Variants in C12orf56 observed in about 807,000 individuals in gnomAD.
The protein encoded by C12orf56 is uncharacterized protein C12orf56.
C12orf56 carries 71 observed loss-of-function variants against 69.9 expected under a neutral mutation model. The observed-to-expected ratio is 1.02, with a 90% CI of 0.84 to 1.24. The LOEUF is 1.24. C12orf56 is among the 50% of genes most tolerant of loss of function. The probability of loss-of-function intolerance (pLI) is 0.00; values close to 1 mark genes in which losing one functional copy is unlikely to be tolerated. For synonymous variants in C12orf56, 276 were observed against 274.1 expected (o/e 1.01, Z -0.07); for missense variants, 732 against 738.5 (o/e 0.99, Z 0.10).
chr12:64,338,823 C>G, intron 2 of C12orf56: 4 of 1,018,788 alleles, frequency 3.9e-6, no homozygotes, highest in South Asian at 2.6e-5. Context: ...CGGTGAGCAG[C>G]AGGCTCGAGT....
intron 2 of C12orf56, among the ~76,000 whole-genome samples, chr12:64,344,809 C>G (rs991046282): frequency 6.6e-6 from 1 of 152,138 alleles, no homozygotes; most frequent in African/African-American, 2.4e-5. Flanking sequence ...ATCCCAAACT[C>G]CCTAAGCCTT....
chr12:64,356,178 A>AC, intron 1 of C12orf56, among the ~76,000 whole-genome samples: 2 of 149,356 alleles, frequency 1.3e-5, no homozygotes, highest in Non-Finnish European at 1.5e-5. Flanking sequence ...CTCAAAAAAA[A>AC]AAAAAAAAAA....
chr12:64,369,447 C>A (rs1008306046), intron 1 of C12orf56, among the ~76,000 whole-genome samples: 2 of 152,136 alleles, frequency 1.3e-5, no homozygotes, highest in African/African-American at 4.8e-5. Context: ...ATCTGCCAGC[C>A]TCAGCCTCCC....
intron 8 of C12orf56, among the ~76,000 whole-genome samples, chr12:64,279,805 T>C (rs187492511): frequency 3.9e-5 from 6 of 152,344 alleles, no homozygotes; most frequent in Admixed American, 6.5e-5. Flanking sequence ...CTATTTAAAA[T>C]GGCCAATCTT....
chr12:64,275,543 C>A (rs2038040431), intron 9 of C12orf56, among the ~76,000 whole-genome samples, 171 bp from the exon 10 acceptor site: 1 of 152,174 alleles, frequency 6.6e-6, no homozygotes, highest in Admixed American at 6.5e-5. Flanking sequence ...GTCTGTGCAG[C>A]CTCAAACTCC....
chr12:64,270,956 AGGAGTT>A (rs1328917821), intron 11 of C12orf56, among the ~76,000 whole-genome samples: 2 of 151,978 alleles, frequency 1.3e-5, no homozygotes, highest in East Asian at 3.9e-4. Flanking sequence ...TCACGAGGTC[AGGAGTT>A]CGAGATCAGC....
intron 2 of C12orf56, among the ~76,000 whole-genome samples, chr12:64,337,396 C>CTGT (rs2039010433): frequency 6.6e-6 from 1 of 152,206 alleles, no homozygotes; most frequent in Non-Finnish European, 1.5e-5. Flanking sequence ...CCCAGGTTTC[C>CTGT]ACCTGTATTT....
chr12:64,282,185 G>A (rs745581596), intron 8 of C12orf56, among the ~76,000 whole-genome samples: 3 of 151,784 alleles, frequency 2.0e-5, no homozygotes, highest in Non-Finnish European at 4.4e-5. Context: ...GTGAGACCTT[G>A]TCTCTACAAA....
chr12:64,284,548 T>C (rs1047181380), intron 8 of C12orf56, 116 bp downstream of exon 8: 2 of 645,140 alleles, frequency 3.1e-6, no homozygotes, highest in Admixed American at 3.8e-5. Context: ...GAGTGAAATA[T>C]ACTTGGAAGG....
intron 1 of C12orf56, among the ~76,000 whole-genome samples, chr12:64,367,342 T>C (rs2039510533): frequency 1.0e-5 from 1 of 97,044 alleles, no homozygotes; most frequent in South Asian, 3.0e-4. Context: ...ACAGTTTATA[T>C]ATTATATTAT....
rs746733362 is a variant in C12orf56 at position 64,301,185 on chromosome 12, TG to T, written c.1113+2449del. 4.6e-5 allele frequency among the ~76,000 whole-genome samples: 7 copies of T among 152,304 alleles called. No homozygotes were observed. The East Asian group carries it at 9.7e-4, about 21-fold the overall frequency. ...TGAACAGACAGGCCTCCATAACAAC[TG>T]TTCCGGTACTGACTGAGTGGTTATG... On this transcript the variant is annotated intron_variant, in intron 6 of 12. Coordinates refer to ENST00000543942, the MANE Select transcript of C12orf56 (RefSeq NM_001170633.2).
chr12:64,292,887 G>C (rs1222258355), intron 6 of C12orf56, among the ~76,000 whole-genome samples: 3 of 132,258 alleles, frequency 2.3e-5, no homozygotes, highest in Admixed American at 1.5e-4. Context: ...CACCCAGTTG[G>C]AGCTTCCCGG....
chr12:64,356,270 C>T (rs1198094094), intron 1 of C12orf56, among the ~76,000 whole-genome samples: 1 of 150,262 alleles, frequency 6.7e-6, no homozygotes, highest in Non-Finnish European at 1.5e-5. Context: ...TGAATGTGCT[C>T]ATTTACAAAG....
chr12:64,378,091 T>A (rs2039665122), intron 1 of C12orf56, among the ~76,000 whole-genome samples: 1 of 152,212 alleles, frequency 6.6e-6, no homozygotes, highest in Non-Finnish European at 1.5e-5. Context: ...TAGAACAGCA[T>A]CTAACTGGCA....
At chr12:64,385,247 G>A (rs1039274847) in intron 1 of C12orf56, among the ~76,000 whole-genome samples, 4 of 152,128 alleles carry the variant, frequency 2.6e-5, no homozygotes, top group Admixed American at 6.5e-5. Flanking sequence ...TACTGAGATC[G>A]TGAAGTGCAC....
intron 1 of C12orf56, among the ~76,000 whole-genome samples, chr12:64,378,058 G>C (rs1417157447): frequency 1.3e-5 from 2 of 152,278 alleles, no homozygotes; most frequent in Non-Finnish European, 2.9e-5. Flanking sequence ...TTGTTATGAG[G>C]ATGAAGTTCC....
In C12orf56 at chr12:64,390,512, A is replaced by G; in HGVS notation, c.54T>C (p.Asp18=). 1 of 1,599,484 alleles carries G rather than the reference A, an allele frequency of 6.3e-7. No individual in the cohort carries two copies. The highest frequency in any genetic ancestry group is 8.5e-7 in the Non-Finnish European group (1 of 1,179,096). ...GFPARRNSRL[D]VFLRRHLPPE... is the part of the protein sequence containing the mutation. ...GCGGCAGATGCCGCCGCAGGAACAC[A>G]TCCAGGCGGCTGTTCCTGCGCGCGG... The change falls in exon 1 of 13, where the codon GAT becomes GAC. Residue 18 remains aspartate (D), a synonymous_variant. Transcript: ENST00000543942.
chr12:64,333,540 C>T (rs1432348883), intron 2 of C12orf56, among the ~76,000 whole-genome samples: 7 of 151,972 alleles, frequency 4.6e-5, no homozygotes, highest in African/African-American at 1.5e-4. Context: ...CTCACTCTGT[C>T]GCCCAGGCTG....
chr12:64,350,599 T>G (rs1366279032), intron 2 of C12orf56, among the ~76,000 whole-genome samples: 1 of 152,226 alleles, frequency 6.6e-6, no homozygotes, highest in Admixed American at 6.5e-5. Context: ...GTTCCTAATT[T>G]GTGGTGAGTA....
Sources: allele counts gnomAD v4.1 joint callset (sites outside exome capture counted in the v4.1 genomes callset), GRCh38; gene constraint gnomAD v4.1.1; transcripts MANE v1.5; gene names NCBI Gene and HGNC (gene_info 2026-07-23, HGNC 2026-07-21).